Variants in NDUFB10 observed in about 807,000 individuals in gnomAD.
NDUFB10 encodes NADH dehydrogenase [ubiquinone] 1 beta subcomplex subunit 10.
NDUFB10 carries 23 observed loss-of-function variants against 19.0 expected under a neutral mutation model. The observed-to-expected ratio is 1.21, with a 90% CI of 0.87 to 1.71. The LOEUF (loss-of-function observed/expected upper bound fraction) is 1.71. Among genes scored for constraint, NDUFB10 ranks in the 40% most tolerant of loss-of-function variants. The probability of loss-of-function intolerance (pLI) is 0.00; values close to 1 mark genes in which losing one functional copy is unlikely to be tolerated. For missense variants in NDUFB10, 312 were observed against 230.6 expected, an observed-to-expected ratio of 1.35 and a Z score of -2.29; for synonymous variants, 104 against 81.8, an observed-to-expected ratio of 1.27 and a Z score of -1.46.
At position 1,961,591 on chromosome 16, in the gene NDUFB10, G is replaced by A. The variant is rs763528316; in HGVS notation, c.364G>A (p.Glu122Lys). 3 of 1,614,028 alleles carry A rather than the reference G, an allele frequency of 1.9e-6. No homozygotes were observed. Among genetic ancestry groups the A allele is most frequent in the South Asian group, 1.1e-5 (1 of 91,088 alleles). The change falls in exon 3 of 4, where the codon GAA becomes AAA. Residue 122 changes from glutamate (E) to lysine (K), a missense_variant. By Grantham distance (56) the Glu-to-Lys change is moderately conservative (BLOSUM62 1). Coordinates refer to ENST00000268668, the MANE Select transcript of NDUFB10 (RefSeq NM_004548.3). The part of the protein sequence containing the change: ...GQNYQQNCIK[E>K]VEQFTQVAKA... ...GAACTACCAGCAGAACTGTATCAAG[G>A]AAGTGGAGCAGTTCACCCAGGTGGC...
intron 1 of NDUFB10, among the ~76,000 whole-genome samples, chr16:1,960,042 G>GCCCCAGGA (rs2040280777): frequency 6.6e-6 from 1 of 150,638 alleles, no homozygotes; most frequent in Non-Finnish European, 1.5e-5. Context: ...AGCGCCCACT[G>GCCCCAGGA]CCCCAGGACC....
Position 1,961,643 on chromosome 16 carries a change from G to GGGGCC in NDUFB10, c.409+7_409+8insGGGCC. The GGGGCC allele has an allele frequency of 1.9e-5, 29 of 1,546,358 alleles. No individual in the cohort carries two copies. Among genetic ancestry groups the GGGGCC allele is most frequent in the African/African-American group, 4.4e-5 (3 of 67,508 alleles). On this transcript the variant is annotated splice_region_variant and intron_variant, in intron 3 of 3. Transcript: ENST00000268668. Reference sequence around the variant, plus strand: ...AAGGCCTACCAGGACCGCTGTGCGTGCCCCACCCACCCCCAACCCCCCACC... The same window carrying GGGGCC: ...AAGGCCTACCAGGACCGCTGTGCGTGGGGCCCCCCACCCACCCCCAACCCCCCACC...
Position 1,959,642 on chromosome 16 carries a change from C to A in NDUFB10, c.18C>A (p.Asp6Glu). Residue 6 changes from aspartate (D) to glutamate (E), a missense_variant, in exon 1 of 4, where the codon GAC (aspartate) becomes GAA (glutamate). By Grantham distance (45) the Asp-to-Glu change is conservative. Transcript: ENST00000268668. ...CCGCCGCCATGCCGGACAGCTGGGACAAGGATGTGTACCCTGAGCCCCCGC... is the reference window on the plus strand; with the variant it reads ...CCGCCGCCATGCCGGACAGCTGGGAAAAGGATGTGTACCCTGAGCCCCCGC... Reference protein sequence around the residue: MPDSWDKDVYPEPPRR... With the variant: MPDSWEKDVYPEPPRR... The A allele has an allele frequency of 6.2e-7, 1 of 1,612,144 alleles. No individual in the cohort carries two copies. The highest frequency in any genetic ancestry group is 8.5e-7 in the Non-Finnish European group (1 of 1,179,316).
chr16:1,961,551 G>A lies in NDUFB10; in HGVS notation c.324G>A (p.Gln108=), dbSNP rs2083254767. Residue 108 remains glutamine, a synonymous_variant, in exon 3 of 4, where the codon CAG becomes CAA. Transcript: ENST00000268668. The part of the protein sequence containing the change: ...NIMQDRLKAC[Q]QREGQNYQQN... ...TGCAGGATCGGCTCAAAGCCTGTCA[G>A]CAGAGGGAAGGACAGAACTACCAGC... is the stretch of plus-strand genomic sequence containing the variant. The A allele has an allele frequency of 6.2e-7, 1 of 1,613,976 alleles. No individual in the cohort carries two copies. Among genetic ancestry groups the A allele is most frequent in the African/African-American group, 1.3e-5 (1 of 74,922 alleles).
intron 1 of NDUFB10, among the ~76,000 whole-genome samples, chr16:1,960,515 C>T (rs1477863334): frequency 6.6e-6 from 1 of 152,228 alleles, no homozygotes; most frequent in East Asian, 1.9e-4. Flanking sequence ...GCCACCGTGT[C>T]CAGCCTGGTT....
Position 1,961,009 on chromosome 16 carries a change from T to TA in NDUFB10, c.131-143dup, listed in dbSNP as rs1212938359. 1.3e-5 allele frequency: 14 copies of TA among 1,039,310 alleles called. No homozygotes were observed. The Middle Eastern group carries it at 9.6e-4, about 71-fold the overall frequency. 64.4% of individuals were successfully genotyped at this position (1,039,310 alleles called of 1,614,324 possible). A position where few individuals can be genotyped will look rare whatever the true frequency, so the allele number is the denominator to read the frequency against. ...GGCCTGCCTGGCTGGCCACATCCCT[T>TA]AGAGAGACGAATTGCTGTTTTCTAA... On this transcript the variant is annotated intron_variant, in intron 1 of 3. Coordinates refer to ENST00000268668, the MANE Select transcript of NDUFB10 (RefSeq NM_004548.3).
In NDUFB10 at chr16:1,959,600, A is replaced by G. The variant is rs1472505663; in HGVS notation, c.-25A>G. On this transcript the variant is annotated 5_prime_UTR_variant, in exon 1 of 4. Coordinates refer to ENST00000268668, the MANE Select transcript of NDUFB10 (RefSeq NM_004548.3). Reference sequence around the variant, plus strand: ...TAGAGGCCAGGGCAGCGCGTCCGGGAGCGGAGTCCGCGCCCGCCGCCGCCA... The same window carrying G: ...TAGAGGCCAGGGCAGCGCGTCCGGGGGCGGAGTCCGCGCCCGCCGCCGCCA... 2 of 1,597,506 alleles carry G rather than the reference A, an allele frequency of 1.3e-6. No individual in the cohort carries two copies. Among genetic ancestry groups the G allele is most frequent in the Non-Finnish European group, 1.7e-6 (2 of 1,172,272 alleles).
intron 1 of NDUFB10, among the ~76,000 whole-genome samples, chr16:1,960,697 G>A (rs1054028187): frequency 6.6e-6 from 1 of 152,200 alleles, no homozygotes; most frequent in East Asian, 1.9e-4. Context: ...CTGGATGTTC[G>A]AGCTCTCCTT....
At chr16:1,961,104 G>C in intron 1 of NDUFB10, 49 bp from the exon 2 acceptor site, 1 of 1,603,460 alleles carries the variant, frequency 6.2e-7, no homozygotes, top group South Asian at 1.1e-5. Context: ...AAAGCTAAAA[G>C]CCTGTCCAAA....
intron 3 of NDUFB10, 79 bp from the exon 4 acceptor site, chr16:1,961,718 C>G: frequency 2.0e-6 from 3 of 1,533,194 alleles, no homozygotes; most frequent in Non-Finnish European, 2.7e-6. Context: ...TCCCTCCCCT[C>G]CCTTGTGCTC....
At position 1,959,735 on chromosome 16, in the gene NDUFB10, A is replaced by G. The variant is rs1597034317; in HGVS notation, c.111A>G (p.Arg37=). The change falls in exon 1 of 4, where the codon CGA becomes CGG. Residue 37 remains arginine, a synonymous_variant. Coordinates refer to ENST00000268668, the MANE Select transcript of NDUFB10 (RefSeq NM_004548.3). The part of the protein sequence containing the change: ...MMKAFDLIVD[R]PVTLVREFIE... ...AAGCGTTCGACCTCATCGTGGACCG[A>G]CCCGTGACCCTCGTGAGAGGTACGA... is the stretch of plus-strand genomic sequence containing the variant. 1 of 1,613,066 alleles carries G rather than the reference A, an allele frequency of 6.2e-7. No individual in the cohort carries two copies. Among genetic ancestry groups the G allele is most frequent in the Non-Finnish European group, 8.5e-7 (1 of 1,179,644 alleles).
chr16:1,959,675 G>C lies in NDUFB10; in HGVS notation c.51G>C (p.Thr17=), dbSNP rs749210626. The C allele has an allele frequency of 6.2e-7, 1 of 1,612,978 alleles. No individual in the cohort carries two copies. The highest frequency in any genetic ancestry group is 2.2e-5 in the East Asian group (1 of 44,794). The stretch of plus-strand genomic sequence containing the variant: ...TGTACCCTGAGCCCCCGCGCCGCAC[G>C]CCGGTGCAGCCCAATCCCATCGTCT... ...KDVYPEPPRR[T]PVQPNPIVYM... is the part of the protein sequence containing the mutation. Residue 17 remains threonine, a synonymous_variant, in exon 1 of 4, where the codon ACG becomes ACC. Coordinates refer to ENST00000268668, the MANE Select transcript of NDUFB10 (RefSeq NM_004548.3).
In NDUFB10 at chr16:1,961,309, G is replaced by C; in HGVS notation, c.269+18G>C. 1 of 1,613,784 alleles carries C rather than the reference G, an allele frequency of 6.2e-7. No individual in the cohort carries two copies. The highest frequency in any genetic ancestry group is 1.1e-5 in the South Asian group (1 of 91,074). ...AGGGACTAGTACGTGAGCCATGCTG[G>C]GAGTGTGGAGATCTGCACCGTGTGC... On this transcript the variant is annotated intron_variant, in intron 2 of 3. Transcript: ENST00000268668.
At position 1,959,882 on chromosome 16, in the gene NDUFB10, A is replaced by T. The variant is rs547857673; in HGVS notation, c.130+128A>T. The stretch of plus-strand genomic sequence containing the variant: ...GACCGCCCCCCGCTGCACCCCGGGG[A>T]CAACTCCCCACCCCCGGAGACCTCC... On this transcript the variant is annotated intron_variant, in intron 1 of 3. Transcript: ENST00000268668. 2.5e-4 allele frequency: 320 copies of T among 1,263,164 alleles called. 1 individual carries two copies. The African/African-American group carries it at 4.0e-3, about 16-fold the overall frequency. The allele number at this position is 1,263,164 out of a possible 1,614,324, so 78.2% of individuals were successfully genotyped here. A position where few individuals can be genotyped will look rare whatever the true frequency, so the allele number is the denominator to read the frequency against.
chr16:1,959,623 C>CCGT lies in NDUFB10; in HGVS notation c.-1_1insGTC. ...GGAGCGGAGTCCGCGCCCGCCGCCG[C>CCGT]CATGCCGGACAGCTGGGACAAGGAT... is the stretch of plus-strand genomic sequence containing the variant. On this transcript the variant is annotated 5_prime_UTR_variant, in exon 1 of 4. Transcript: ENST00000268668. The CCGT allele has an allele frequency of 6.2e-7, 1 of 1,608,732 alleles. No homozygotes were observed. Among genetic ancestry groups the CCGT allele is most frequent in the Non-Finnish European group, 8.5e-7 (1 of 1,177,532 alleles).
intron 1 of NDUFB10, 22 bp downstream of exon 1, chr16:1,959,776 C>G: frequency 6.2e-7 from 1 of 1,611,702 alleles, no homozygotes; most frequent in Non-Finnish European, 8.5e-7. Flanking sequence ...CAGCCCGGGG[C>G]TCCCTCGCCG....
Position 1,961,643 on chromosome 16 carries a change from G to GGGGCCCCCCCCC in NDUFB10, c.409+7_409+8insGGGCCCCCCCCC. The GGGGCCCCCCCCC allele has an allele frequency of 8.4e-6, 13 of 1,547,086 alleles. No homozygotes were observed. The highest frequency in any genetic ancestry group is 2.3e-5 in the East Asian group (1 of 42,886). ...AAGGCCTACCAGGACCGCTGTGCGT[G>GGGGCCCCCCCCC]CCCCACCCACCCCCAACCCCCCACC... is the stretch of plus-strand genomic sequence containing the variant. On this transcript the variant is annotated splice_region_variant and intron_variant, in intron 3 of 3. Transcript: ENST00000268668.
rs2083242046 is a variant in NDUFB10 at position 1,959,863 on chromosome 16, C to CA, written c.130+109_130+110insA. On this transcript the variant is annotated intron_variant, in intron 1 of 3. Coordinates refer to ENST00000268668, the MANE Select transcript of NDUFB10 (RefSeq NM_004548.3). ...CGGGGTCCCGTCTGCCTGAGACCGC[C>CA]CCCCGCTGCACCCCGGGGACAACTC... 8.3e-6 allele frequency: 12 copies of CA among 1,446,806 alleles called. No individual in the cohort carries two copies. In the South Asian group the frequency reaches 1.5e-4, roughly 18 times the overall value. 89.6% of individuals were successfully genotyped at this position (1,446,806 alleles called of 1,614,324 possible).
rs1271800961 is a variant in NDUFB10 at position 1,961,915 on chromosome 16, T to G, written c.*9T>G. On this transcript the variant is annotated 3_prime_UTR_variant, in exon 4 of 4. Coordinates refer to ENST00000268668, the MANE Select transcript of NDUFB10 (RefSeq NM_004548.3). Reference sequence around the variant, plus strand: ...CCGCTGCCACCTCCTGAGGCAGCTGTGGGTGCCCCTGCTGTGTGGCTCTGT... The same window carrying G: ...CCGCTGCCACCTCCTGAGGCAGCTGGGGGTGCCCCTGCTGTGTGGCTCTGT... The G allele has an allele frequency of 6.4e-7, 1 of 1,551,794 alleles. No individual in the cohort carries two copies. Among genetic ancestry groups the G allele is most frequent in the African/African-American group, 1.4e-5 (1 of 73,432 alleles).
Sources: allele counts gnomAD v4.1 joint callset (sites outside exome capture counted in the v4.1 genomes callset), GRCh38; gene constraint gnomAD v4.1.1; transcripts MANE v1.5; gene names NCBI Gene and HGNC (gene_info 2026-07-23, HGNC 2026-07-21).